RBPJ: variants seen among roughly 807,000 people sequenced by gnomAD.
The protein encoded by RBPJ is recombination signal binding protein for immunoglobulin kappa J region, also known as recombining binding protein suppressor of hairless.
In RBPJ, 9 loss-of-function variants were observed where a neutral mutation model predicts 67.8. The observed-to-expected ratio is 0.13, with a 90% CI of 0.08 to 0.23. The LOEUF (loss-of-function observed/expected upper bound fraction) is 0.23. RBPJ is among the 10% of genes least tolerant of loss of function. RBPJ has a pLI of 1.00. For missense variants in RBPJ, 305 were observed against 595.6 expected (o/e 0.51, Z 5.08); for synonymous variants, 198 against 203.3 (o/e 0.97, Z 0.22).
chr4:26,427,970 A>G (rs1735850907), intron 7 of RBPJ, among the ~76,000 whole-genome samples: 1 of 152,134 alleles, frequency 6.6e-6, no homozygotes, highest in Non-Finnish European at 1.5e-5. Context: ...TATCTTTCAG[A>G]TATTCATGTG....
chr4:26,419,719 G>T (rs1734940597), intron 4 of RBPJ, among the ~76,000 whole-genome samples: 1 of 152,128 alleles, frequency 6.6e-6, no homozygotes, highest in Admixed American at 6.5e-5. Context: ...ACCCCTCCCT[G>T]ATTCACAGGG....
chr4:26,361,763 T>G (rs1250361010), intron 1 of RBPJ, among the ~76,000 whole-genome samples: 1 of 152,186 alleles, frequency 6.6e-6, no homozygotes, highest in Admixed American at 6.5e-5. Context: ...CTTAGTAGAT[T>G]TAAAATGTGA....
At chr4:26,292,904 G>T (rs1721719313) in intron 1 of RBPJ, among the ~76,000 whole-genome samples, 1 of 150,562 alleles carries the variant, frequency 6.6e-6, no homozygotes, top group Non-Finnish European at 1.5e-5. Context: ...TGGCTATTGT[G>T]AATAATGCTC....
At chr4:26,425,473 A>T (rs1023504850) in intron 7 of RBPJ, among the ~76,000 whole-genome samples, 2 of 151,860 alleles carry the variant, frequency 1.3e-5, no homozygotes, top group South Asian at 2.1e-4. Flanking sequence ...AAAAAAAATT[A>T]GCCAGGCATG....
intron 1 of RBPJ, among the ~76,000 whole-genome samples, chr4:26,374,339 G>A (rs1277157735): frequency 1.3e-5 from 2 of 152,140 alleles, no homozygotes; most frequent in East Asian, 3.8e-4. Context: ...GGTTTGGGAA[G>A]GTAATGAAAG....
the RBPJ span, among the ~76,000 whole-genome samples, chr4:26,124,158 C>T: frequency 6.6e-6 from 1 of 151,718 alleles, no homozygotes; most frequent in Non-Finnish European, 1.5e-5. Context: ...ATCAGCCGAG[C>T]AGTATACCCT....
intron 1 of RBPJ, among the ~76,000 whole-genome samples, chr4:26,338,132 A>G (rs1169767413): frequency 2.1e-5 from 3 of 145,512 alleles, no homozygotes; most frequent in Non-Finnish European, 3.0e-5. Context: ...CATTATGGAA[A>G]CATTCTTATG....
chr4:26,110,390 C>G, the RBPJ span, among the ~76,000 whole-genome samples: 1 of 152,118 alleles, frequency 6.6e-6, no homozygotes, highest in African/African-American at 2.4e-5. The surrounding 1 kb of genome is among the most constrained non-coding windows in gnomAD (Gnocchi z 4.5). Flanking sequence ...AGCTCTGTGG[C>G]TGTCTCTTTG....
chr4:26,286,754 T>G, intron 1 of RBPJ, among the ~76,000 whole-genome samples: 1 of 151,952 alleles, frequency 6.6e-6, no homozygotes, highest in Admixed American at 6.6e-5. Flanking sequence ...GGGGCACCCT[T>G]TCTTTTGTAA....
intron 1 of RBPJ, among the ~76,000 whole-genome samples, chr4:26,378,353 T>C (rs1255424223): frequency 6.6e-6 from 1 of 151,490 alleles, no homozygotes; most frequent in African/African-American, 2.4e-5. Flanking sequence ...TTTGAGGCCA[T>C]AGATTTAAAA....
chr4:26,283,178 C>T (rs1721337245), intron 1 of RBPJ, among the ~76,000 whole-genome samples: 2 of 149,442 alleles, frequency 1.3e-5, no homozygotes, highest in South Asian at 4.2e-4. Flanking sequence ...ATCCACCCGC[C>T]TCGGCCTCCC....
chr4:26,291,603 G>T (rs1179212789), intron 1 of RBPJ, among the ~76,000 whole-genome samples: 1 of 149,408 alleles, frequency 6.7e-6, no homozygotes. Context: ...TTGAGATGGA[G>T]TCTCGCTCTG....
the RBPJ span, among the ~76,000 whole-genome samples, chr4:26,139,724 T>C: frequency 2.0e-5 from 3 of 151,922 alleles, no homozygotes; most frequent in African/African-American, 7.3e-5. Flanking sequence ...CTCAGTGACA[T>C]GGGTGGATCA....
Position 26,181,558 on chromosome 4 carries a change from A to G in RBPJ, c.-167+17944A>G, listed in dbSNP as rs534337611. Reference sequence around the variant, plus strand: ...GGGGATATGTTCTAAGAAATGCATCACTAGGCAATTTCATTCTTGTGTGAA... The same window carrying G: ...GGGGATATGTTCTAAGAAATGCATCGCTAGGCAATTTCATTCTTGTGTGAA... On this transcript the variant is annotated intron_variant, in intron 1 of 4. Transcript: ENST00000512351. 7.2e-5 allele frequency among the ~76,000 whole-genome samples: 11 copies of G among 152,278 alleles called. No individual in the cohort carries two copies. In the East Asian group the frequency reaches 7.7e-4, roughly 11 times the overall value.
chr4:26,250,616 G>C (rs950624418), intron 1 of RBPJ, among the ~76,000 whole-genome samples: 3 of 152,166 alleles, frequency 2.0e-5, no homozygotes, highest in African/African-American at 7.2e-5. Flanking sequence ...ACAGATGTGA[G>C]CCACCGCACC....
At chr4:26,331,834 CT>C (rs1724298332) in intron 1 of RBPJ, among the ~76,000 whole-genome samples, 1 of 152,184 alleles carries the variant, frequency 6.6e-6, no homozygotes, top group Non-Finnish European at 1.5e-5. Context: ...TTGCAGCTGG[CT>C]GTTTCCACAG....
At chr4:26,390,987 G>A (rs528077878) in intron 2 of RBPJ, among the ~76,000 whole-genome samples, 56 of 152,264 alleles carry the variant, frequency 3.7e-4, no homozygotes, top group African/African-American at 1.3e-3. Context: ...AGCCCAGGAG[G>A]TTAAGGCTGC....
chr4:26,365,117 A>G (rs1028483856), intron 1 of RBPJ, among the ~76,000 whole-genome samples: 1 of 151,436 alleles, frequency 6.6e-6, no homozygotes, highest in African/African-American at 2.4e-5. Context: ...AATTATATAT[A>G]TACACACAGT....
intron 1 of RBPJ, among the ~76,000 whole-genome samples, chr4:26,240,473 A>AGG (rs1560224011): frequency 6.6e-6 from 1 of 152,224 alleles, no homozygotes; most frequent in Admixed American, 6.5e-5. Context: ...TAATTATTAA[A>AGG]CACCCACAAA....
Sources: allele counts gnomAD v4.1 joint callset (sites outside exome capture counted in the v4.1 genomes callset), GRCh38; gene constraint gnomAD v4.1.1; non-coding constraint Gnocchi (gnomAD v3.1); transcripts MANE v1.5; gene names NCBI Gene and HGNC (gene_info 2026-07-23, HGNC 2026-07-21).